SRFBP1: variants seen among roughly 807,000 people sequenced by gnomAD.
The protein encoded by SRFBP1 is serum response factor binding protein 1, also known as serum response factor-binding protein 1.
In SRFBP1, 47 loss-of-function variants were observed where a neutral mutation model predicts 45.5. That is an observed-to-expected ratio of 1.03 (90% confidence interval 0.82 to 1.32). The LOEUF is 1.32. SRFBP1 is among the 40% of genes most tolerant of loss of function. The pLI is 0.00. For synonymous variants in SRFBP1, 203 were observed against 166.3 expected, an observed-to-expected ratio of 1.22 and a Z score of -1.70; for missense variants, 621 against 484.6, an observed-to-expected ratio of 1.28 and a Z score of -2.64.
At chr5:122,037,732 G>C (rs576688969) in intron 2 of SRFBP1, among the ~76,000 whole-genome samples, 1 of 151,672 alleles carries the variant, frequency 6.6e-6, no homozygotes, top group Non-Finnish European at 1.5e-5. Context: ...CGCCCAGGCT[G>C]ATCTCAAACG....
At chr5:122,052,498 G>T (rs1012342813) in intron 2 of SRFBP1, among the ~76,000 whole-genome samples, 1 of 152,070 alleles carries the variant, frequency 6.6e-6, no homozygotes, top group Non-Finnish European at 1.5e-5. Flanking sequence ...CAGAGTGCCA[G>T]TCTTCGAGTC....
intron 2 of SRFBP1, chr5:122,066,441 A>C: frequency 9.4e-6 from 3 of 320,538 alleles, no homozygotes; most frequent in Non-Finnish European, 1.2e-5. Context: ...TACAATTTCA[A>C]AAGGAACATG....
At chr5:122,013,434 A>T (rs1223551442) in intron 4 of SRFBP1, among the ~76,000 whole-genome samples, 1 of 152,146 alleles carries the variant, frequency 6.6e-6, no homozygotes, top group Admixed American at 6.6e-5. Flanking sequence ...TTGTTAAAAA[A>T]TTCAACTCAG....
intron 3 of SRFBP1, among the ~76,000 whole-genome samples, chr5:121,991,559 T>C (rs937844780): frequency 6.6e-6 from 1 of 152,180 alleles, no homozygotes; most frequent in African/African-American, 2.4e-5. Context: ...TGTGCAATTG[T>C]AATAGTACAT....
chr5:122,033,379 C>A (rs536309105), downstream of SRFBP1, among the ~76,000 whole-genome samples: 1 of 151,974 alleles, frequency 6.6e-6, no homozygotes, highest in South Asian at 2.1e-4. Context: ...CCTTTTGTTC[C>A]ATTTTTACAA....
At chr5:121,976,904 A>C (rs1054297137) in intron 3 of SRFBP1, among the ~76,000 whole-genome samples, 3 of 151,474 alleles carry the variant, frequency 2.0e-5, no homozygotes, top group African/African-American at 7.3e-5. Context: ...CACACACTAC[A>C]TTCTTTCCAT....
chr5:121,975,197 G>A, intron 2 of SRFBP1, 118 bp from the exon 3 acceptor site: 1 of 1,044,718 alleles, frequency 9.6e-7, no homozygotes, highest in Non-Finnish European at 1.4e-6. Flanking sequence ...ATAGTGGCGT[G>A]TTTGTTATTT....
intron 4 of SRFBP1, among the ~76,000 whole-genome samples, chr5:122,014,530 A>G (rs528029514): frequency 8.5e-5 from 13 of 152,218 alleles, no homozygotes; most frequent in African/African-American, 2.9e-4. Context: ...AGATTGCAAC[A>G]TAAAAACACA....
intron 4 of SRFBP1, among the ~76,000 whole-genome samples, chr5:121,996,215 GAGA>G (rs1752725214): frequency 1.4e-5 from 2 of 143,550 alleles, no homozygotes; most frequent in Non-Finnish European, 3.0e-5. Context: ...AACAAAAAAA[GAGA>G]ATTTTAGACC....
At chr5:121,989,853 A>G (rs1752587179) in intron 3 of SRFBP1, among the ~76,000 whole-genome samples, 1 of 151,872 alleles carries the variant, frequency 6.6e-6, no homozygotes, top group African/African-American at 2.4e-5. Context: ...TCTTTGGAAC[A>G]CTCTAGTAGT....
intron 5 of SRFBP1, among the ~76,000 whole-genome samples, chr5:122,019,886 G>A (rs1753266821): frequency 1.3e-5 from 2 of 152,030 alleles, no homozygotes; most frequent in South Asian, 4.1e-4. Flanking sequence ...AATTTAAAAT[G>A]AATACGTCTG....
At chr5:122,018,867 A>G (rs1035053107) in intron 4 of SRFBP1, among the ~76,000 whole-genome samples, 3 of 152,158 alleles carry the variant, frequency 2.0e-5, no homozygotes, top group Non-Finnish European at 4.4e-5. Flanking sequence ...AGTCTCACCC[A>G]GTTTAGCACT....
rs747005349 is a variant in SRFBP1, at chr5:122,027,098, A to C, written c.1262A>C (p.Gln421Pro). 9.1e-5 allele frequency: 146 copies of C among 1,604,998 alleles called. No homozygotes were observed. In the Middle Eastern group the frequency reaches 9.9e-4, roughly 11 times the overall value. Residue 421 changes from glutamine to proline, a missense_variant, in exon 8 of 8, where the codon CAG becomes CCG. Transcript: ENST00000339397. ...KEQQSNIAVF[Q>P]GKKITFDD ...CAGCAATCTAATATTGCTGTGTTTC[A>C]GGGGAAAAAAATTACGTTTGATGAT...
At chr5:122,004,791 A>T (rs1752944411) in intron 4 of SRFBP1, among the ~76,000 whole-genome samples, 1 of 151,980 alleles carries the variant, frequency 6.6e-6, no homozygotes. Flanking sequence ...ATTGCTATGA[A>T]CTTCTCTCTT....
chr5:122,071,656 T>C (rs565879197), intron 2 of SRFBP1, among the ~76,000 whole-genome samples: 1 of 152,288 alleles, frequency 6.6e-6, no homozygotes, highest in East Asian at 1.9e-4. Flanking sequence ...TCACAAAAAG[T>C]TTTAACTTGT....
At chr5:121,994,415 T>G (rs1326979136) in intron 3 of SRFBP1, among the ~76,000 whole-genome samples, 184 bp from the exon 4 acceptor site, 1 of 152,008 alleles carries the variant, frequency 6.6e-6, no homozygotes, top group Non-Finnish European at 1.5e-5. Context: ...CACATTACAC[T>G]AATTCACATT....
chr5:122,031,497 C>T (rs914415469), downstream of SRFBP1, among the ~76,000 whole-genome samples: 1 of 152,050 alleles, frequency 6.6e-6, no homozygotes, highest in Non-Finnish European at 1.5e-5. Flanking sequence ...AAGTAAACAA[C>T]GTCTCACCAA....
At chr5:121,974,410 T>G in intron 2 of SRFBP1, 126 bp downstream of exon 2, 1 of 638,158 alleles carries the variant, frequency 1.6e-6, no homozygotes, top group Non-Finnish European at 2.7e-6. Flanking sequence ...CATTTTTGTT[T>G]TGTATGCGGA....
At chr5:121,975,192 G>A in intron 2 of SRFBP1, 123 bp from the exon 3 acceptor site, 3 of 957,062 alleles carry the variant, frequency 3.1e-6, no homozygotes, top group South Asian at 3.0e-5. Context: ...GTAGGATAGT[G>A]GCGTGTTTGT....
Sources: allele counts gnomAD v4.1 joint callset (sites outside exome capture counted in the v4.1 genomes callset), GRCh38; gene constraint gnomAD v4.1.1; transcripts MANE v1.5; gene names NCBI Gene and HGNC (gene_info 2026-07-23, HGNC 2026-07-21).